The following CFAP43 variants were observed in gnomAD, a reference collection of about 807,000 sequenced individuals.
CFAP43 encodes cilia and flagella associated protein 43.
In CFAP43, 155 loss-of-function variants were observed where a neutral mutation model predicts 218.9. The ratio of observed to expected loss-of-function variants is 0.71; its 90% CI spans 0.62 to 0.81. The LOEUF (loss-of-function observed/expected upper bound fraction) is 0.81. CFAP43 is among the 30% of genes least tolerant of loss of function. The probability of loss-of-function intolerance (pLI) is 0.00; values close to 1 mark genes in which losing one functional copy is unlikely to be tolerated. For synonymous variants in CFAP43, 645 were observed against 681.3 expected, an observed-to-expected ratio of 0.95 and a Z score of 0.83; for missense variants, 1,778 against 1,954.3, an observed-to-expected ratio of 0.91 and a Z score of 1.70.
chr10:104,230,855 G>A lies in CFAP43; in HGVS notation c.66-12C>T, dbSNP rs574666190. ...ATCCTTGCACCCATCTTTGGGAAAAGATATGTCAACATCAATATAATACAT... is the reference window on the plus strand; with the variant it reads ...ATCCTTGCACCCATCTTTGGGAAAAAATATGTCAACATCAATATAATACAT... On this transcript the variant is annotated splice_polypyrimidine_tract_variant and intron_variant, in intron 1 of 37. Transcript: ENST00000357060. The A allele has an allele frequency of 6.3e-7, 1 of 1,596,698 alleles. No homozygotes were observed. The highest frequency in any genetic ancestry group is 1.1e-5 in the South Asian group (1 of 87,800).
chr10:104,149,315 G>A (rs937225986), intron 28 of CFAP43, among the ~76,000 whole-genome samples: 1 of 152,110 alleles, frequency 6.6e-6, no homozygotes, highest in Non-Finnish European at 1.5e-5. Flanking sequence ...CAACGCCCGG[G>A]TCCATTAATC....
intron 3 of CFAP43, among the ~76,000 whole-genome samples, chr10:104,217,307 C>A (rs1007622330): frequency 2.0e-5 from 3 of 150,370 alleles, no homozygotes; most frequent in Admixed American, 1.3e-4. Context: ...CCAAGCCTTG[C>A]ATTTTTTTCT....
At chr10:104,130,433 G>A in intron 37 of CFAP43, 128 bp from the exon 38 acceptor site, 1 of 1,048,882 alleles carries the variant, frequency 9.5e-7, no homozygotes, top group Non-Finnish European at 1.4e-6. Flanking sequence ...TATGTTTACA[G>A]CAGCACTATC....
At chr10:104,135,403 A>G in intron 34 of CFAP43, among the ~76,000 whole-genome samples, 1 of 152,190 alleles carries the variant, frequency 6.6e-6, no homozygotes, top group East Asian at 1.9e-4. Flanking sequence ...AAGAAGAAGA[A>G]ATAAAAGGCA....
intron 34 of CFAP43, among the ~76,000 whole-genome samples, chr10:104,138,940 T>G (rs2087575483): frequency 6.6e-6 from 1 of 152,196 alleles, no homozygotes; most frequent in Non-Finnish European, 1.5e-5. Flanking sequence ...CAAAAATTTT[T>G]GGAAAGGATA....
intron 17 of CFAP43, 131 bp from the exon 18 acceptor site, chr10:104,180,063 C>T (rs1345538341): frequency 2.8e-6 from 2 of 704,186 alleles, no homozygotes; most frequent in Admixed American, 2.4e-5. Flanking sequence ...TAATCTCCAA[C>T]ATTTTGTCTG....
intron 21 of CFAP43, among the ~76,000 whole-genome samples, chr10:104,168,264 AAAGG>A (rs1441572228): frequency 6.6e-6 from 1 of 152,198 alleles, no homozygotes; most frequent in African/African-American, 2.4e-5. Flanking sequence ...TTGAAAGTGA[AAAGG>A]ATGCTGATAA....
chr10:104,149,256 A>G (rs983242953), intron 28 of CFAP43, among the ~76,000 whole-genome samples: 4 of 152,214 alleles, frequency 2.6e-5, no homozygotes, highest in South Asian at 2.1e-4. Flanking sequence ...CAGGAGACAT[A>G]TATCATCTGA....
At chr10:104,157,867 A>G (rs1185799110) in intron 27 of CFAP43, among the ~76,000 whole-genome samples, 1 of 151,804 alleles carries the variant, frequency 6.6e-6, no homozygotes, top group East Asian at 1.9e-4. Flanking sequence ...TGGTCTCTAA[A>G]TACCAATTGC....
chr10:104,232,109 A>C, intron 1 of CFAP43, 73 bp downstream of exon 1: 1 of 1,509,468 alleles, frequency 6.6e-7, no homozygotes, highest in Non-Finnish European at 8.9e-7. Flanking sequence ...CCGGAGGGAG[A>C]GGAGGGAGGA....
rs188380375 is a variant in CFAP43 at position 104,209,729 on chromosome 10, T to C, written c.736-1905A>G. ...GGGCTCTGGCACCAAATACTAAACA[T>C]AGAAAAATTTGAGTTGCAAACCTTG... On this transcript the variant is annotated intron_variant, in intron 5 of 37. Coordinates refer to ENST00000357060, the MANE Select transcript of CFAP43 (RefSeq NM_025145.7). Among the ~76,000 whole-genome samples, 25 of 152,242 alleles carry C rather than the reference T, an allele frequency of 1.6e-4. No individual in the cohort carries two copies. In the East Asian group the frequency reaches 2.3e-3, roughly 14 times the overall value.
chr10:104,189,982 A>G (rs1047413542), intron 12 of CFAP43, among the ~76,000 whole-genome samples: 1 of 152,130 alleles, frequency 6.6e-6, no homozygotes, highest in African/African-American at 2.4e-5. Flanking sequence ...CCTGGCTAAC[A>G]TGGTGAAACC....
At chr10:104,153,576 TA>T (rs1390388255) in intron 27 of CFAP43, among the ~76,000 whole-genome samples, 1 of 152,168 alleles carries the variant, frequency 6.6e-6, no homozygotes, top group Non-Finnish European at 1.5e-5. Flanking sequence ...ACATACAAAG[TA>T]AAAAACATGT....
At chr10:104,192,370 T>C in intron 11 of CFAP43, 68 bp from the exon 12 acceptor site, 1 of 1,174,694 alleles carries the variant, frequency 8.5e-7, no homozygotes, top group East Asian at 2.4e-5. Flanking sequence ...ACAAGTTTAT[T>C]GAATGGCCAC....
At chr10:104,198,352 A>C (rs769732917) in intron 8 of CFAP43, among the ~76,000 whole-genome samples, 1 of 152,042 alleles carries the variant, frequency 6.6e-6, no homozygotes, top group Non-Finnish European at 1.5e-5. Context: ...GCACAATCTC[A>C]GCTCACTGCA....
intron 3 of CFAP43, among the ~76,000 whole-genome samples, chr10:104,215,615 C>A (rs1009757427): frequency 5.3e-5 from 8 of 152,106 alleles, no homozygotes; most frequent in African/African-American, 1.9e-4. Context: ...TGGTTGCCAC[C>A]CCCCACCAGA....
At chr10:104,178,264 A>C (rs2089700233) in intron 19 of CFAP43, among the ~76,000 whole-genome samples, 1 of 152,218 alleles carries the variant, frequency 6.6e-6, no homozygotes, top group Non-Finnish European at 1.5e-5. Flanking sequence ...GAGGTTGCCC[A>C]AAAAATGCAC....
At chr10:104,210,286 A>C (rs2090814530) in intron 5 of CFAP43, among the ~76,000 whole-genome samples, 1 of 152,276 alleles carries the variant, frequency 6.6e-6, no homozygotes, top group Non-Finnish European at 1.5e-5. Flanking sequence ...AGGAAATATT[A>C]AGGGCATGTA....
At chr10:104,184,714 C>T (rs1395838074) in intron 16 of CFAP43, among the ~76,000 whole-genome samples, 1 of 152,026 alleles carries the variant, frequency 6.6e-6, no homozygotes, top group African/African-American at 2.4e-5. Context: ...TGCCTCAGAA[C>T]CCACTGATAA....
Sources: gnomAD v4.1 joint callset for allele counts (sites outside exome capture counted in the v4.1 genomes callset) on GRCh38, gnomAD v4.1.1 for gene constraint, MANE v1.5 for transcripts, NCBI Gene and HGNC (gene_info 2026-07-23, HGNC 2026-07-21) for gene names.